PCSK5: variants seen among roughly 807,000 people sequenced by gnomAD.
The protein encoded by PCSK5 is prohormone convertase 5.
Under a neutral mutation model 233.2 loss-of-function variants are expected in PCSK5, and 129 were observed. The ratio of observed to expected loss-of-function variants is 0.55; its 90% confidence interval spans 0.48 to 0.64. PCSK5 has a LOEUF of 0.64. Ranked by LOEUF, PCSK5 falls within the 30% of genes least tolerant of loss-of-function variation. PCSK5 has a pLI of 0.00. For synonymous variants in PCSK5, 825 were observed against 879.2 expected (o/e 0.94, Z 1.09); for missense variants, 2,076 against 2,430.1 (o/e 0.85, Z 3.06).
chr9:76,163,118 G>A (rs1237946230), intron 12 of PCSK5, among the ~76,000 whole-genome samples: 1 of 152,208 alleles, frequency 6.6e-6, no homozygotes, highest in Non-Finnish European at 1.5e-5. Context: ...CCTATCTGGG[G>A]ACCTGAAACT....
chr9:76,356,178 C>T (rs1830298283), intron 37 of PCSK5, among the ~76,000 whole-genome samples: 1 of 152,314 alleles, frequency 6.6e-6, no homozygotes, highest in Admixed American at 6.5e-5. Context: ...ACTCTCACAA[C>T]ATTAATGCCT....
chr9:76,336,065 T>C (rs1829669680), intron 34 of PCSK5, among the ~76,000 whole-genome samples: 1 of 152,328 alleles, frequency 6.6e-6, no homozygotes, highest in Middle Eastern at 3.4e-3. Context: ...TTATGTGGGC[T>C]TTGTCAACCA....
chr9:76,099,306 C>T (rs2131662148), intron 8 of PCSK5, among the ~76,000 whole-genome samples: 1 of 152,256 alleles, frequency 6.6e-6, no homozygotes, highest in Admixed American at 6.5e-5. Flanking sequence ...TTGATTGCCT[C>T]ATCTGTAAAA....
intron 2 of PCSK5, among the ~76,000 whole-genome samples, chr9:75,978,557 G>C (rs1826126049): frequency 1.3e-5 from 2 of 152,204 alleles, no homozygotes; most frequent in African/African-American, 4.8e-5. Context: ...CTGTGGCAGA[G>C]TCTAGCCTAG....
At chr9:76,296,023 C>T (rs11144822) in intron 26 of PCSK5, among the ~76,000 whole-genome samples, 3,232 of 152,274 alleles carry the variant, frequency 0.021, 115 homozygotes, top group African/African-American at 0.074. Flanking sequence ...ATTCTGTATT[C>T]GATGCTCTTA....
chr9:76,275,806 G>T (rs1030541801), intron 24 of PCSK5, among the ~76,000 whole-genome samples: 7 of 152,124 alleles, frequency 4.6e-5, no homozygotes, highest in African/African-American at 1.7e-4. Flanking sequence ...TATTTCTGTG[G>T]TACACTACAT....
chr9:76,249,196 G>A (rs1178021537), intron 24 of PCSK5, among the ~76,000 whole-genome samples: 2 of 152,176 alleles, frequency 1.3e-5, no homozygotes, highest in Admixed American at 6.5e-5. Context: ...CTTGCATCTG[G>A]TGGATAGAGG....
Position 76,275,316 on chromosome 9 carries a change from T to C in PCSK5, c.3143-16917T>C, listed in dbSNP as rs540474116. On this transcript the variant is annotated intron_variant, in intron 24 of 37. Transcript: ENST00000674117. Reference sequence around the variant, plus strand: ...CATGTGTTCCTATCCCAGCCCTGCATTTTATCTGACAACCCTAACTATAAT... The same window carrying C: ...CATGTGTTCCTATCCCAGCCCTGCACTTTATCTGACAACCCTAACTATAAT... Among the ~76,000 whole-genome samples, 14 of 152,254 alleles carry C rather than the reference T, an allele frequency of 9.2e-5. No individual in the cohort carries two copies. In the East Asian group the frequency reaches 2.1e-3, roughly 23 times the overall value.
rs1353587029 is a variant in PCSK5, at chr9:75,891,340, C to A, written c.159C>A (p.Ile53=). 6.4e-7 allele frequency: 1 copy of A among 1,564,646 alleles called. No homozygotes were observed. The highest frequency in any genetic ancestry group is 1.4e-5 in the African/African-American group (1 of 71,130). ...GGGGCTTCCCGGAGGCCAACCGTATCGCCAGCAAGTACGGATTCATCAACA... is the reference window on the plus strand; with the variant it reads ...GGGGCTTCCCGGAGGCCAACCGTATAGCCAGCAAGTACGGATTCATCAACA... ...IAGGFPEANR[I]ASKYGFINIG... is the part of the protein sequence containing the mutation. Residue 53 remains isoleucine (I), a synonymous_variant, in exon 1 of 38, where the codon ATC becomes ATA. Coordinates refer to ENST00000674117, the MANE Select transcript of PCSK5 (RefSeq NM_001372043.1).
intron 2 of PCSK5, among the ~76,000 whole-genome samples, chr9:75,944,782 A>G (rs759814415): frequency 8.5e-5 from 13 of 152,084 alleles, no homozygotes; most frequent in Non-Finnish European, 1.8e-4. Context: ...GACATCCCCA[A>G]CTAGATGTTT....
intron 2 of PCSK5, among the ~76,000 whole-genome samples, chr9:75,954,732 C>G (rs772250907): frequency 1.1e-4 from 17 of 152,150 alleles, no homozygotes; most frequent in Non-Finnish European, 1.9e-4. Flanking sequence ...ACAGCCAAAC[C>G]AAGCCAGCAC....
intron 20 of PCSK5, among the ~76,000 whole-genome samples, chr9:76,226,189 T>C (rs977613636): frequency 5.9e-5 from 9 of 152,194 alleles, no homozygotes; most frequent in Non-Finnish European, 1.2e-4. Context: ...ACATGCACTT[T>C]TCCCTTCTGT....
intron 2 of PCSK5, among the ~76,000 whole-genome samples, chr9:75,953,829 A>G (rs1490647603): frequency 6.6e-6 from 1 of 152,144 alleles, no homozygotes; most frequent in Non-Finnish European, 1.5e-5. Context: ...AGAAAAAAAA[A>G]ATATGAGTAT....
At chr9:76,284,697 T>C (rs1403281884) in intron 24 of PCSK5, among the ~76,000 whole-genome samples, 1 of 151,950 alleles carries the variant, frequency 6.6e-6, no homozygotes. Context: ...CATGCCCAGC[T>C]AATTTTGTAT....
At chr9:76,200,582 T>G (rs903315310) in intron 20 of PCSK5, among the ~76,000 whole-genome samples, 1 of 152,200 alleles carries the variant, frequency 6.6e-6, no homozygotes, top group African/African-American at 2.4e-5. Context: ...ATTTGTGGAA[T>G]GAATGAATAA....
chr9:75,894,139 T>C (rs780189318), intron 1 of PCSK5, among the ~76,000 whole-genome samples: 38 of 152,184 alleles, frequency 2.5e-4, no homozygotes, highest in Non-Finnish European at 4.9e-4. Context: ...GTGTTGCAAA[T>C]TGGAACTGAA....
At position 76,338,297 on chromosome 9, in the gene PCSK5, C is replaced by T. The variant is rs779520659; in HGVS notation, c.4816C>T (p.Pro1606Ser). Residue 1606 changes from proline (P) to serine (S), a missense_variant, in exon 35 of 38, where the codon CCA (proline) becomes TCA (serine). Around this residue, in one of 6 missense-constraint regions of PCSK5, gnomAD observed 1,510 missense variants for 1,538.1 expected, o/e 0.98. Coordinates refer to ENST00000674117, the MANE Select transcript of PCSK5 (RefSeq NM_001372043.1). Reference protein sequence around the residue: ...CNRSCKGCQGPRPTDCLSCDR... With the variant: ...CNRSCKGCQGSRPTDCLSCDR... ...CAGGAGCTGCAAGGGGTGCCAGGGC[C>T]CACGGCCCACAGACTGCCTGTCTTG... is the stretch of plus-strand genomic sequence containing the variant. The T allele has an allele frequency of 4.3e-6, 7 of 1,612,558 alleles. No individual in the cohort carries two copies. The South Asian group carries it at 6.6e-5, about 15-fold the overall frequency.
intron 5 of PCSK5, among the ~76,000 whole-genome samples, chr9:76,041,200 A>C (rs1829103543): frequency 1.3e-5 from 2 of 152,238 alleles, no homozygotes; most frequent in South Asian, 4.1e-4. Flanking sequence ...GTAAAATAAA[A>C]TACACAATTG....
chr9:76,054,014 G>A (rs999900558), intron 5 of PCSK5, among the ~76,000 whole-genome samples: 3 of 152,174 alleles, frequency 2.0e-5, no homozygotes, highest in Non-Finnish European at 4.4e-5. Context: ...TCACAATCAT[G>A]GCAGAAGGTG....
Sources: gnomAD v4.1 joint callset for allele counts (sites outside exome capture counted in the v4.1 genomes callset) on GRCh38, gnomAD v4.1.1 for gene constraint, gnomAD v4.1.1 regional missense constraint, MANE v1.5 for transcripts, NCBI Gene and HGNC (gene_info 2026-07-23, HGNC 2026-07-21) for gene names.